Variants in ANKLE2 observed in about 807,000 individuals in gnomAD.
ANKLE2 encodes the protein ankyrin repeat and LEM domain containing 2.
A neutral mutation model predicts 84.2 loss-of-function variants in ANKLE2; 55 were observed. The observed-to-expected ratio is 0.65, with a 90% CI of 0.53 to 0.82. The LOEUF (loss-of-function observed/expected upper bound fraction) is 0.82. Ranked by LOEUF, ANKLE2 falls within the 40% of genes least tolerant of loss-of-function variation. The pLI is 0.00. For missense variants in ANKLE2, 1,238 were observed against 1,201.9 expected (o/e 1.03, Z -0.44); for synonymous variants, 551 against 486.1 (o/e 1.13, Z -1.76).
chr12:132,734,886 C>T (rs1364679797), intron 9 of ANKLE2: 5 of 359,406 alleles, frequency 1.4e-5, no homozygotes, highest in African/African-American at 6.5e-5. Context: ...CACAGACGGA[C>T]GTGTTCATGA....
intron 12 of ANKLE2, 74 bp from the exon 13 acceptor site, chr12:132,727,517 T>C (rs2043724773): frequency 7.5e-6 from 10 of 1,334,038 alleles, no homozygotes; most frequent in Non-Finnish European, 7.9e-6. Context: ...CGGAGAATAA[T>C]GGCCCCAGAC....
At chr12:132,753,591 T>C (rs2136174530) in intron 2 of ANKLE2, among the ~76,000 whole-genome samples, 1 of 151,930 alleles carries the variant, frequency 6.6e-6, no homozygotes, top group South Asian at 2.1e-4. Context: ...TCGCGAAACC[T>C]TGTCTCTACT....
At chr12:132,757,770 CAG>C (rs2044516692) in intron 1 of ANKLE2, 1 of 152,016 alleles carries the variant, frequency 6.6e-6, no homozygotes. Context: ...TTGCAGTGAG[CAG>C]AGATGGCGGC....
intron 10 of ANKLE2, among the ~76,000 whole-genome samples, chr12:132,733,083 G>A (rs1219002012): frequency 2.1e-4 from 29 of 137,028 alleles, no homozygotes; most frequent in Non-Finnish European, 3.1e-4. Flanking sequence ...TGTCTGATAC[G>A]CACCGTGTGA....
chr12:132,745,935 A>G (rs1295049295), intron 5 of ANKLE2, among the ~76,000 whole-genome samples: 1 of 152,244 alleles, frequency 6.6e-6, no homozygotes, highest in African/African-American at 2.4e-5. Flanking sequence ...AGTTGTGTAC[A>G]TAGTTATATA....
chr12:132,733,294 G>A (rs1325508681), intron 10 of ANKLE2, among the ~76,000 whole-genome samples: 5 of 137,938 alleles, frequency 3.6e-5, no homozygotes, highest in Admixed American at 2.9e-4. Context: ...AGCTCTCTGC[G>A]TCCTGGTGTC....
At chr12:132,756,955 A>G (rs990629089) in intron 1 of ANKLE2, 1 of 152,052 alleles carries the variant, frequency 6.6e-6, no homozygotes, top group Non-Finnish European at 1.5e-5. Flanking sequence ...AACAAAAAAA[A>G]CAAAAAAAAA....
At chr12:132,759,508 T>G (rs1039605514) in intron 1 of ANKLE2, 3 of 114,866 alleles carry the variant, frequency 2.6e-5, no homozygotes, top group African/African-American at 2.1e-4. Flanking sequence ...AAATCTCTGC[T>G]GACTATATAT....
chr12:132,757,151 G>A (rs2044505461), intron 1 of ANKLE2: 1 of 152,184 alleles, frequency 6.6e-6, no homozygotes, highest in African/African-American at 2.4e-5. Flanking sequence ...ATTACCGTGT[G>A]AACAGGCTCT....
chr12:132,746,256 G>A (rs1039698536), intron 5 of ANKLE2, among the ~76,000 whole-genome samples: 3 of 151,348 alleles, frequency 2.0e-5, no homozygotes, highest in African/African-American at 7.3e-5. Context: ...GGCTGAGGCA[G>A]GAGAATCAGT....
Position 132,748,002 on chromosome 12 carries a change from C to G in ANKLE2, c.1060G>C (p.Val354Leu). 5 of 1,601,640 alleles carry G rather than the reference C, an allele frequency of 3.1e-6. No homozygotes were observed. Among genetic ancestry groups the G allele is most frequent in the Non-Finnish European group, 4.3e-6 (5 of 1,176,164 alleles). The change falls in exon 5 of 13, where the codon GTG becomes CTG. Residue 354 changes from valine (V) to leucine (L), a missense_variant. This residue lies in a region of ANKLE2 where 802 missense variants were observed against 774.5 expected (regional missense o/e 1.04). Coordinates refer to ENST00000357997, the MANE Select transcript of ANKLE2 (RefSeq NM_015114.3). ...TIVQEGCRYN[V>L]MHVAAKENQA... ...TTCTCTTTGGCAGCAACATGCATCA[C>G]GTTGTACCTGCACCCTTCCTGAAAG...
intron 7 of ANKLE2, chr12:132,738,547 C>CA (rs1246960751): frequency 7.0e-6 from 1 of 143,140 alleles, no homozygotes; most frequent in African/African-American, 2.6e-5. Flanking sequence ...TTTTTGGAAA[C>CA]AGAGTCTCGC....
At chr12:132,733,468 G>A (rs529986906) in intron 10 of ANKLE2, among the ~76,000 whole-genome samples, 11 of 147,206 alleles carry the variant, frequency 7.5e-5, no homozygotes, top group East Asian at 6.2e-4. Flanking sequence ...GATATACCCC[G>A]TGTGAAGCAC....
rs766429997 is a variant in ANKLE2, at chr12:132,743,638, C to T, written c.1231-362G>A. Among the ~76,000 whole-genome samples, 3 of 147,518 alleles carry T rather than the reference C, an allele frequency of 2.0e-5. No individual in the cohort carries two copies. The highest frequency in any genetic ancestry group is 1.4e-4 in the Admixed American group (2 of 14,642). On this transcript the variant is annotated intron_variant, in intron 5 of 12. Transcript: ENST00000357997. The surrounding 1 kb of genome is among the most constrained non-coding windows in gnomAD (Gnocchi z 4.1). ...TGCTGGGATTACAGGTGTGAGTCAC[C>T]GAGCCTGGCTTATACTTTTTTAAAA...
intron 2 of ANKLE2, among the ~76,000 whole-genome samples, chr12:132,753,709 C>A (rs2044411967): frequency 6.6e-6 from 1 of 151,790 alleles, no homozygotes; most frequent in African/African-American, 2.4e-5. Flanking sequence ...CCACTGCACT[C>A]CAGCCCAGGT....
chr12:132,737,182 A>G, intron 7 of ANKLE2, 117 bp from the exon 8 acceptor site: 2 of 1,114,444 alleles, frequency 1.8e-6, no homozygotes, highest in South Asian at 3.4e-5. Flanking sequence ...TGGATCCAAC[A>G]GACGGGGCAG....
chr12:132,742,002 C>A (rs1237833899), intron 6 of ANKLE2: 1 of 347,344 alleles, frequency 2.9e-6, no homozygotes. Context: ...ATAGAAAAAC[C>A]AACAACCTTC....
rs1409470239 is a variant in ANKLE2, at chr12:132,747,819, G to T, written c.1230+13C>A. On this transcript the variant is annotated intron_variant, in intron 5 of 12. Coordinates refer to ENST00000357997, the MANE Select transcript of ANKLE2 (RefSeq NM_015114.3). ...TTAAATAAAGAAAGCGTGAGTGGAG[G>T]GTGTGCACGCACCATCTTGTCGGGG... is the stretch of plus-strand genomic sequence containing the variant. The T allele has an allele frequency of 3.2e-6, 5 of 1,585,306 alleles. No homozygotes were observed. The highest frequency in any genetic ancestry group is 4.3e-6 in the Non-Finnish European group (5 of 1,173,110).
rs763865958 is a variant in ANKLE2, at chr12:132,735,392, C to A, written c.1700+14G>T. On this transcript the variant is annotated intron_variant, in intron 9 of 12. Coordinates refer to ENST00000357997, the MANE Select transcript of ANKLE2 (RefSeq NM_015114.3). Reference sequence around the variant, plus strand: ...CTGTGTGCCCCACGCTGCTGCGGCTCAGCCTTTCAGTACCTTCCCACTCTC... The same window carrying A: ...CTGTGTGCCCCACGCTGCTGCGGCTAAGCCTTTCAGTACCTTCCCACTCTC... The A allele has an allele frequency of 3.7e-5, 60 of 1,612,032 alleles. No individual in the cohort carries two copies. The highest frequency in any genetic ancestry group is 1.7e-5 in the Non-Finnish European group (20 of 1,178,226).
Sources: gnomAD v4.1 joint callset for allele counts (sites outside exome capture counted in the v4.1 genomes callset) on GRCh38, gnomAD v4.1.1 for gene constraint, gnomAD v4.1.1 regional missense constraint, Gnocchi (gnomAD v3.1) non-coding constraint, MANE v1.5 for transcripts, NCBI Gene and HGNC (gene_info 2026-07-23, HGNC 2026-07-21) for gene names.